Variants in PATJ observed in about 807,000 individuals in gnomAD.
PATJ encodes the protein PATJ crumbs cell polarity complex component.
A neutral mutation model predicts 224.9 loss-of-function variants in PATJ; 190 were observed. The ratio of observed to expected loss-of-function variants is 0.84; its 90% CI spans 0.75 to 0.95. PATJ has a LOEUF of 0.95. Ranked by LOEUF, PATJ falls within the 40% of genes least tolerant of loss-of-function variation. The pLI is 0.00. For synonymous variants in PATJ, 769 were observed against 820.3 expected (o/e 0.94, Z 1.07); for missense variants, 2,121 against 2,270.3 (o/e 0.93, Z 1.34).
intron 17 of PATJ, among the ~76,000 whole-genome samples, chr1:61,850,558 G>C (rs1301820341): frequency 6.6e-6 from 1 of 152,220 alleles, no homozygotes; most frequent in Non-Finnish European, 1.5e-5. Context: ...AGGGGATTCA[G>C]TTTTATACAC....
chr1:61,871,539 G>GTGTATATA (rs1322719608), intron 20 of PATJ, among the ~76,000 whole-genome samples: 8 of 51,480 alleles, frequency 1.6e-4, no homozygotes, highest in South Asian at 1.5e-3. Flanking sequence ...GTGTGTGTGT[G>GTGTATATA]TATATATATA....
At chr1:62,007,090 G>A (rs576090860) in intron 28 of PATJ, among the ~76,000 whole-genome samples, 1 of 152,298 alleles carries the variant, frequency 6.6e-6, no homozygotes, top group African/African-American at 2.4e-5. Flanking sequence ...GTCCATCCTT[G>A]ACTGAGGCAT....
intron 27 of PATJ, among the ~76,000 whole-genome samples, chr1:61,974,492 CA>C (rs1172310466): frequency 7.0e-6 from 1 of 143,254 alleles, no homozygotes; most frequent in Non-Finnish European, 1.5e-5. Flanking sequence ...TGGCTCACTG[CA>C]ACCTCCACCT....
intron 41 of PATJ, among the ~76,000 whole-genome samples, chr1:62,142,798 G>T (rs568197946): frequency 1.3e-5 from 2 of 152,274 alleles, no homozygotes; most frequent in African/African-American, 4.8e-5. Flanking sequence ...GCCTGGAGAG[G>T]GAACTGGAAT....
At chr1:61,965,766 C>A (rs1368327475) in intron 27 of PATJ, among the ~76,000 whole-genome samples, 1 of 152,130 alleles carries the variant, frequency 6.6e-6, no homozygotes, top group Non-Finnish European at 1.5e-5. Flanking sequence ...CCCGTTTTAA[C>A]CGAGGAGGCA....
At chr1:62,051,853 T>C (rs1653687281) in intron 31 of PATJ, among the ~76,000 whole-genome samples, 1 of 152,242 alleles carries the variant, frequency 6.6e-6, no homozygotes, top group African/African-American at 2.4e-5. Flanking sequence ...TAATAGTTAT[T>C]GAACATTTGT....
At chr1:61,944,257 T>C (rs959773671) in intron 27 of PATJ, among the ~76,000 whole-genome samples, 3 of 152,146 alleles carry the variant, frequency 2.0e-5, no homozygotes, top group African/African-American at 2.4e-5. Flanking sequence ...CTTCAGACGA[T>C]TGGTAATAAC....
chr1:62,117,733 A>G (rs984297442), intron 37 of PATJ, among the ~76,000 whole-genome samples: 1 of 151,326 alleles, frequency 6.6e-6, no homozygotes, highest in East Asian at 2.0e-4. Flanking sequence ...TCTTATATTT[A>G]TTTGCAAAGC....
chr1:61,885,382 A>G (rs896330727), intron 22 of PATJ, among the ~76,000 whole-genome samples: 1 of 152,230 alleles, frequency 6.6e-6, no homozygotes, highest in African/African-American at 2.4e-5. Flanking sequence ...ATGAACAGAC[A>G]CTTCTCAAAA....
chr1:61,766,572 A>G (rs779784361), intron 4 of PATJ, 99 bp downstream of exon 4: 3 of 784,864 alleles, frequency 3.8e-6, no homozygotes, highest in Non-Finnish European at 5.9e-6. Flanking sequence ...AAAATGTATT[A>G]GTATGTATTT....
At chr1:61,890,200 C>T (rs1177258288) in intron 22 of PATJ, among the ~76,000 whole-genome samples, 2 of 152,120 alleles carry the variant, frequency 1.3e-5, no homozygotes, top group South Asian at 2.1e-4. Flanking sequence ...TCATACAGGC[C>T]AGGCGTGGTG....
rs549991255 is a variant in PATJ, at chr1:61,751,281, G to A, written c.-36+8726G>A. ...CTCCCAAAGTGCTGGGAGTACAGGC[G>A]TGAGCCACCACGCCTGATTCCTGAT... On this transcript the variant is annotated intron_variant, in intron 1 of 43. Coordinates refer to ENST00000642238, the MANE Select transcript of PATJ (RefSeq NM_001350145.3). Among the ~76,000 whole-genome samples, 4 of 151,906 alleles carry A rather than the reference G, an allele frequency of 2.6e-5. No individual in the cohort carries two copies. In the East Asian group the frequency reaches 7.8e-4, roughly 30 times the overall value.
intron 27 of PATJ, among the ~76,000 whole-genome samples, chr1:61,936,315 C>G (rs1003665125): frequency 1.3e-5 from 2 of 150,812 alleles, no homozygotes; most frequent in African/African-American, 4.9e-5. Context: ...AAACCTCTCC[C>G]CTTCTTGCAA....
Position 62,051,041 on chromosome 1 carries a change from A to G in PATJ, c.4108A>G (p.Ser1370Gly). ...VEVGIKQLPE[S>G]ESFKLAVSQM... ...AGTTGGTATTAAACAATTGCCTGAAAGTGAAAGCTTCAAACTGGTGAGAAT... is the reference window on the plus strand; with the variant it reads ...AGTTGGTATTAAACAATTGCCTGAAGGTGAAAGCTTCAAACTGGTGAGAAT... The change falls in exon 31 of 44, where the codon AGT becomes GGT. Residue 1370 changes from serine to glycine, a missense_variant. Coordinates refer to ENST00000642238, the MANE Select transcript of PATJ (RefSeq NM_001350145.3). 2.5e-6 allele frequency: 4 copies of G among 1,612,758 alleles called. No individual in the cohort carries two copies. In the South Asian group the frequency reaches 4.4e-5, roughly 18 times the overall value.
chr1:62,136,092 A>G (rs1417570063), intron 41 of PATJ, among the ~76,000 whole-genome samples: 2 of 134,362 alleles, frequency 1.5e-5, no homozygotes, highest in African/African-American at 5.6e-5. Context: ...CAATGGTGCA[A>G]TCTCAGCTCA....
chr1:62,118,922 G>A (rs896686333), intron 37 of PATJ, among the ~76,000 whole-genome samples: 10 of 151,496 alleles, frequency 6.6e-5, no homozygotes, highest in African/African-American at 1.7e-4. Context: ...GTGAGCCCCC[G>A]CGCCCAGCCG....
At chr1:62,069,675 C>T (rs1310070415) in intron 31 of PATJ, among the ~76,000 whole-genome samples, 12 of 152,170 alleles carry the variant, frequency 7.9e-5, no homozygotes, top group Admixed American at 7.9e-4. Flanking sequence ...TCCTGCTACC[C>T]ACCACACACC....
intron 28 of PATJ, among the ~76,000 whole-genome samples, chr1:62,009,589 AT>A (rs35848861): frequency 0.15 from 22,276 of 152,154 alleles, 2,021 homozygotes; most frequent in Non-Finnish European, 0.21. Context: ...TAACAATGAC[AT>A]TCGCCACATC....
At chr1:61,830,045 G>T (rs1016894238) in intron 16 of PATJ, among the ~76,000 whole-genome samples, 1 of 152,026 alleles carries the variant, frequency 6.6e-6, no homozygotes, top group South Asian at 2.1e-4. Flanking sequence ...ATCGGTTATT[G>T]ACCACCCGTG....
Sources: gnomAD v4.1 joint callset for allele counts (sites outside exome capture counted in the v4.1 genomes callset) on GRCh38, gnomAD v4.1.1 for gene constraint, MANE v1.5 for transcripts, NCBI Gene and HGNC (gene_info 2026-07-23, HGNC 2026-07-21) for gene names.